The following SGCZ variants were observed in gnomAD, a reference collection of about 807,000 sequenced individuals.
The protein encoded by SGCZ is zeta-sarcoglycan.
Under a neutral mutation model 41.3 loss-of-function variants are expected in SGCZ, and 40 were observed. The ratio of observed to expected loss-of-function variants is 0.97; its 90% CI spans 0.75 to 1.26. SGCZ has a LOEUF of 1.26. SGCZ is among the 50% of genes most tolerant of loss of function. The pLI, the probability that SGCZ is intolerant of heterozygous loss-of-function variation, is 0.00. For missense variants in SGCZ, 552 were observed against 369.8 expected (o/e 1.49, Z -4.04); for synonymous variants, 206 against 137.5 (o/e 1.50, Z -3.49).
intron 4 of SGCZ, among the ~76,000 whole-genome samples, chr8:14,219,433 C>T (rs1396220800): frequency 1.3e-5 from 2 of 152,158 alleles, no homozygotes; most frequent in Admixed American, 1.3e-4. Flanking sequence ...CCCGACTGCA[C>T]GTTGGACAAC....
At chr8:14,596,442 C>A (rs191158293) in intron 1 of SGCZ, among the ~76,000 whole-genome samples, 1 of 152,166 alleles carries the variant, frequency 6.6e-6, no homozygotes, top group Admixed American at 6.5e-5. Flanking sequence ...GGATAATTAG[C>A]ATTTTGACAT....
chr8:14,334,749 G>A (rs544631646), intron 2 of SGCZ, among the ~76,000 whole-genome samples: 145 of 152,162 alleles, frequency 9.5e-4, no homozygotes, highest in Admixed American at 2.8e-3. Flanking sequence ...GAAGCCATCT[G>A]AACAAACTAT....
intron 1 of SGCZ, among the ~76,000 whole-genome samples, chr8:14,716,615 G>A (rs1585204839): frequency 6.6e-6 from 1 of 152,114 alleles, no homozygotes. Flanking sequence ...CTATTTGTCT[G>A]TAATAGAAAA....
intron 1 of SGCZ, among the ~76,000 whole-genome samples, chr8:15,210,936 A>C (rs1801215475): frequency 6.6e-6 from 1 of 151,900 alleles, no homozygotes; most frequent in Non-Finnish European, 1.5e-5. Flanking sequence ...TCAGTCTTCT[A>C]TTGCCTTTGC....
intron 1 of SGCZ, among the ~76,000 whole-genome samples, chr8:15,215,374 T>C (rs556154476): frequency 3.9e-5 from 6 of 152,316 alleles, no homozygotes; most frequent in African/African-American, 1.4e-4. Context: ...TTCCATTATC[T>C]GAATATAACA....
At chr8:14,994,993 G>C (rs1274532095) in intron 1 of SGCZ, among the ~76,000 whole-genome samples, 1 of 152,162 alleles carries the variant, frequency 6.6e-6, no homozygotes, top group Non-Finnish European at 1.5e-5. Flanking sequence ...TCTTCTGTTG[G>C]AGAAAATGCC....
At chr8:14,704,358 T>A (rs537919086) in intron 1 of SGCZ, among the ~76,000 whole-genome samples, 1 of 152,184 alleles carries the variant, frequency 6.6e-6, no homozygotes, top group African/African-American at 2.4e-5. Context: ...AAATTATAAC[T>A]AACTCACACA....
At chr8:15,028,814 G>A (rs1026684649) in intron 1 of SGCZ, among the ~76,000 whole-genome samples, 19 of 152,018 alleles carry the variant, frequency 1.2e-4, no homozygotes, top group Admixed American at 1.1e-3. Context: ...CCTTATAAAG[G>A]ACTAAAATGA....
chr8:14,437,361 A>C (rs1292857618), intron 2 of SGCZ, among the ~76,000 whole-genome samples: 1 of 152,204 alleles, frequency 6.6e-6, no homozygotes, highest in Non-Finnish European at 1.5e-5. Flanking sequence ...ATCCACAATT[A>C]TCTGAAAGCC....
rs1807237037 is a variant in SGCZ at position 14,646,804 on chromosome 8, T to C, written c.40-91878A>G. ...GTTCATATATTCATTCAAAACACTTTTTTTTGGCACCAATAATACACCAGG... is the reference window on the plus strand; with the variant it reads ...GTTCATATATTCATTCAAAACACTTCTTTTTGGCACCAATAATACACCAGG... On this transcript the variant is annotated intron_variant, in intron 1 of 7. Transcript: ENST00000382080. 2.0e-5 allele frequency among the ~76,000 whole-genome samples: 3 copies of C among 152,002 alleles called. No homozygotes were observed. In the South Asian group the frequency reaches 6.2e-4, roughly 31 times the overall value.
At chr8:15,225,161 T>C (rs943955340) in intron 1 of SGCZ, among the ~76,000 whole-genome samples, 8 of 152,162 alleles carry the variant, frequency 5.3e-5, no homozygotes, top group Non-Finnish European at 1.0e-4. Context: ...ACTCAGAATA[T>C]GTACAAATAT....
chr8:14,189,213 A>T (rs1805012463), intron 4 of SGCZ, among the ~76,000 whole-genome samples: 1 of 151,878 alleles, frequency 6.6e-6, no homozygotes, highest in South Asian at 2.1e-4. Flanking sequence ...GGCTGCTGAA[A>T]CGCCAATCTT....
At chr8:14,129,625 A>G (rs1802973655) in intron 5 of SGCZ, among the ~76,000 whole-genome samples, 1 of 152,014 alleles carries the variant, frequency 6.6e-6, no homozygotes, top group African/African-American at 2.4e-5. Flanking sequence ...GACTTCAACA[A>G]TCTAACTTTA....
Position 14,604,431 on chromosome 8 carries a change from T to TTA in SGCZ, c.40-49506_40-49505insTA, listed in dbSNP as rs529617929. ...AATCTATAAGCCATGATTTTTTTTT[T>TTA]ATCTGTGCACTAGAGCTTGAAATAT... On this transcript the variant is annotated intron_variant, in intron 1 of 7. Coordinates refer to ENST00000382080, the MANE Select transcript of SGCZ (RefSeq NM_139167.4). 7.6e-3 allele frequency among the ~76,000 whole-genome samples: 1,160 copies of TTA among 152,140 alleles called. 17 individuals carry two copies. Among genetic ancestry groups the TTA allele is most frequent in the African/African-American group, 0.026 (1,099 of 41,530 alleles).
intron 2 of SGCZ, among the ~76,000 whole-genome samples, chr8:14,440,315 C>T (rs1671506556): frequency 6.6e-6 from 1 of 151,962 alleles, no homozygotes; most frequent in South Asian, 2.1e-4. Flanking sequence ...CTAAATAATT[C>T]ACTTCTTTGT....
At chr8:14,691,883 AAAAT>A (rs1164672856) in intron 1 of SGCZ, among the ~76,000 whole-genome samples, 2 of 152,026 alleles carry the variant, frequency 1.3e-5, no homozygotes, top group Non-Finnish European at 2.9e-5. Context: ...GTTTTGTGAG[AAAAT>A]AAATTACAAA....
intron 2 of SGCZ, among the ~76,000 whole-genome samples, chr8:14,541,016 A>G (rs987060471): frequency 2.6e-5 from 4 of 150,978 alleles, no homozygotes; most frequent in Admixed American, 2.0e-4. Flanking sequence ...AGAGATGAGA[A>G]CATATATATG....
At chr8:14,146,489 C>A (rs1006785184) in intron 5 of SGCZ, among the ~76,000 whole-genome samples, 3 of 152,114 alleles carry the variant, frequency 2.0e-5, no homozygotes, top group African/African-American at 7.2e-5. Context: ...AGTAAGAAAT[C>A]ATCTAAAGGT....
chr8:14,520,822 A>C (rs2117099892), intron 2 of SGCZ, among the ~76,000 whole-genome samples: 1 of 152,220 alleles, frequency 6.6e-6, no homozygotes, highest in African/African-American at 2.4e-5. Context: ...AAAATGAGAG[A>C]GCATTCTTTC....
Sources: gnomAD v4.1 joint callset for allele counts (sites outside exome capture counted in the v4.1 genomes callset) on GRCh38, gnomAD v4.1.1 for gene constraint, MANE v1.5 for transcripts, NCBI Gene and HGNC (gene_info 2026-07-23, HGNC 2026-07-21) for gene names.